Variants in DIPK1C observed in about 807,000 individuals in gnomAD.
DIPK1C encodes familial non-conventional Alzheimer's dementia.
DIPK1C carries 33 observed loss-of-function variants against 28.0 expected under a neutral mutation model. The ratio of observed to expected loss-of-function variants is 1.18; its 90% CI spans 0.89 to 1.58. The LOEUF is 1.58. DIPK1C is among the 40% of genes most tolerant of loss of function. The pLI, the probability that DIPK1C is intolerant of heterozygous loss-of-function variation, is 0.00. For missense variants in DIPK1C, 569 were observed against 568.5 expected, an observed-to-expected ratio of 1.00 and a Z score of -0.01; for synonymous variants, 255 against 248.8, an observed-to-expected ratio of 1.02 and a Z score of -0.23.
intron 3 of DIPK1C, 135 bp downstream of exon 3, chr18:74,441,817 T>G: frequency 9.7e-7 from 1 of 1,028,848 alleles, no homozygotes; most frequent in Non-Finnish European, 1.4e-6. Flanking sequence ...CGTCCTGCCT[T>G]TATTGACCAC....
Position 74,457,235 on chromosome 18 carries a change from C to G in DIPK1C, c.25G>C (p.Gly9Arg). The G allele has an allele frequency of 9.7e-7, 1 of 1,029,916 alleles. No homozygotes were observed. The highest frequency in any genetic ancestry group is 4.4e-5 in the South Asian group (1 of 22,608). 63.8% of individuals were successfully genotyped at this position (1,029,916 alleles called of 1,614,324 possible). A position where few individuals can be genotyped will look rare whatever the true frequency, so the allele number is the denominator to read the frequency against. Residue 9 changes from glycine (G) to arginine (R), a missense_variant, in exon 1 of 4, where the codon GGC becomes CGC. Gly to Arg is a moderately radical substitution (Grantham distance 125). Coordinates refer to ENST00000343998, the MANE Select transcript of DIPK1C (RefSeq NM_001044369.3). ...CGCCTCCTGCACCACCCGGCAGGGC[C>G]CCGCGCGCCCGCCGCCCGCGCCATG... Reference protein sequence around the residue: MARAAGARGPAGWCRRRGR... With the variant: MARAAGARRPAGWCRRRGR...
the DIPK1C span, among the ~76,000 whole-genome samples, chr18:74,464,627 C>T: frequency 6.6e-6 from 1 of 152,130 alleles, no homozygotes; most frequent in South Asian, 2.1e-4. Context: ...ATTGTAAATA[C>T]AAGGCAAACA....
At chr18:74,455,746 AAG>A (rs1476123262) in intron 1 of DIPK1C, among the ~76,000 whole-genome samples, 9 of 150,348 alleles carry the variant, frequency 6.0e-5, no homozygotes, top group African/African-American at 1.9e-4. Flanking sequence ...GAAAAAGAAA[AAG>A]AAAAAAAAAA....
chr18:74,443,958 T>C (rs1409153255), intron 2 of DIPK1C, among the ~76,000 whole-genome samples: 1 of 152,242 alleles, frequency 6.6e-6, no homozygotes, highest in East Asian at 1.9e-4. Flanking sequence ...GAGAGCCAGG[T>C]TTATTTTTTA....
In DIPK1C at chr18:74,436,301, A is replaced by G. The variant is rs1357312153; in HGVS notation, c.*200T>C. On this transcript the variant is annotated 3_prime_UTR_variant, in exon 4 of 4. Coordinates refer to ENST00000343998, the MANE Select transcript of DIPK1C (RefSeq NM_001044369.3). The stretch of plus-strand genomic sequence containing the variant: ...CCTCCTCCCTCATCTCATTTTACAC[A>G]AGGCGACAGGTCAGAGGCCAGGGTG... 6.8e-6 allele frequency: 4 copies of G among 587,510 alleles called. No homozygotes were observed. The highest frequency in any genetic ancestry group is 1.9e-5 in the African/African-American group (1 of 53,548). 36.4% of individuals were successfully genotyped at this position (587,510 alleles called of 1,614,324 possible).
upstream of DIPK1C, among the ~76,000 whole-genome samples, chr18:74,460,002 C>T (rs901724093): frequency 2.0e-5 from 3 of 152,148 alleles, no homozygotes; most frequent in East Asian, 3.9e-4. Context: ...CAGCCAAGCA[C>T]GCAGGCTTCT....
chr18:74,448,072 C>A (rs1433565810), intron 1 of DIPK1C, among the ~76,000 whole-genome samples: 1 of 152,132 alleles, frequency 6.6e-6, no homozygotes. Context: ...GGGGACCTGG[C>A]GACCTTCCCC....
Position 74,446,911 on chromosome 18 carries a change from G to C in DIPK1C, c.571C>G (p.Leu191Val). The C allele has an allele frequency of 6.6e-7, 1 of 1,510,166 alleles. No individual in the cohort carries two copies. The highest frequency in any genetic ancestry group is 1.3e-5 in the South Asian group (1 of 78,560). The allele number at this position is 1,510,166 out of a possible 1,614,324, so 93.5% of individuals were successfully genotyped here. A position where few individuals can be genotyped will look rare whatever the true frequency, so the allele number is the denominator to read the frequency against. The stretch of plus-strand genomic sequence containing the variant: ...AAGTAGACGTACTCCTCCTGCTGCA[G>C]CAGGGCCCACAGGCTGGCCAGCTGT... The part of the protein sequence containing the change: ...RGQLASLWAL[L>V]QQEEYVYFSL... The change falls in exon 2 of 4, where the codon CTG becomes GTG. Residue 191 changes from leucine to valine, a missense_variant. Transcript: ENST00000343998.
intron 1 of DIPK1C, among the ~76,000 whole-genome samples, chr18:74,452,593 A>T (rs1047211988): frequency 4.5e-5 from 6 of 132,296 alleles, no homozygotes; most frequent in African/African-American, 1.1e-4. Flanking sequence ...TACAAAAATT[A>T]AAAAAAAAAA....
At position 74,442,095 on chromosome 18, in the gene DIPK1C, T is replaced by G. The variant is rs1486021870; in HGVS notation, c.898A>C (p.Met300Leu). The change falls in exon 3 of 4, where the codon ATG (methionine) becomes CTG (leucine). Residue 300 changes from methionine to leucine, a missense_variant. By Grantham distance (15) the Met-to-Leu change is conservative. Transcript: ENST00000343998. Reference sequence around the variant, plus strand: ...CTCATTTTAGGTTCAAAAAAGGCCATGTCCACATCAATAGCCACCACCTGT... The same window carrying G: ...CTCATTTTAGGTTCAAAAAAGGCCAGGTCCACATCAATAGCCACCACCTGT... ...DFTVVAIDVD[M>L]AFFEPKMREI... The G allele has an allele frequency of 6.2e-7, 1 of 1,614,152 alleles. No individual in the cohort carries two copies.
chr18:74,463,660 G>T, the DIPK1C span, among the ~76,000 whole-genome samples: 1 of 152,174 alleles, frequency 6.6e-6, no homozygotes, highest in South Asian at 2.1e-4. Flanking sequence ...TCAGGCGAAA[G>T]CACAACGCAG....
At chr18:74,450,122 G>C (rs986570068) in intron 1 of DIPK1C, among the ~76,000 whole-genome samples, 1 of 151,930 alleles carries the variant, frequency 6.6e-6, no homozygotes, top group Non-Finnish European at 1.5e-5. Flanking sequence ...GAACAGTAAG[G>C]GCTGTTCATT....
Position 74,447,266 on chromosome 18 carries a change from G to A in DIPK1C, c.216C>T (p.Gly72=), listed in dbSNP as rs542391883. 2.3e-5 allele frequency: 36 copies of A among 1,536,912 alleles called. No homozygotes were observed. The highest frequency in any genetic ancestry group is 1.5e-4 in the East Asian group (6 of 40,726). Reference sequence around the variant, plus strand: ...CGCAGAGGTCCCCGGCCAGCGTGCCGCCCTGGTAGTCCTGGCACTGGAAGG... The same window carrying A: ...CGCAGAGGTCCCCGGCCAGCGTGCCACCCTGGTAGTCCTGGCACTGGAAGG... ...ILAALCQDYQ[G]GTLAGDLCED... The change falls in exon 2 of 4, where the codon GGC becomes GGT. Residue 72 remains glycine (G), a synonymous_variant. Transcript: ENST00000343998. The surrounding 1 kb of genome is among the most constrained non-coding windows in gnomAD (Gnocchi z 4.1).
chr18:74,448,488 G>A (rs2144523854), intron 1 of DIPK1C, among the ~76,000 whole-genome samples: 1 of 152,264 alleles, frequency 6.6e-6, no homozygotes, highest in East Asian at 1.9e-4. Context: ...ACAAAGGATG[G>A]GGCCAAGGGC....
intron 3 of DIPK1C, among the ~76,000 whole-genome samples, chr18:74,438,287 T>C (rs1986043381): frequency 6.6e-6 from 1 of 152,374 alleles, no homozygotes; most frequent in South Asian, 2.1e-4. Flanking sequence ...ACCAGTTCCC[T>C]ATTGATGGAC....
At chr18:74,450,500 CTCAGGAGAAAAATG>C (rs909462309) in intron 1 of DIPK1C, among the ~76,000 whole-genome samples, 28 of 152,258 alleles carry the variant, frequency 1.8e-4, no homozygotes, top group African/African-American at 6.5e-4. Flanking sequence ...AGAGAGGAGG[CTCAGGAGAAAAATG>C]TCAGAGACAC....
At chr18:74,439,418 T>A (rs1448656704) in intron 3 of DIPK1C, among the ~76,000 whole-genome samples, 1 of 152,222 alleles carries the variant, frequency 6.6e-6, no homozygotes, top group Non-Finnish European at 1.5e-5. Context: ...CAGGGCTAAA[T>A]ACCCGTATTT....
At chr18:74,451,228 A>G (rs1191803688) in intron 1 of DIPK1C, among the ~76,000 whole-genome samples, 1 of 152,202 alleles carries the variant, frequency 6.6e-6, no homozygotes, top group Non-Finnish European at 1.5e-5. Context: ...AGAACCAGAA[A>G]CAGCCCCTGG....
upstream of DIPK1C, among the ~76,000 whole-genome samples, chr18:74,459,248 A>G (rs915431002): frequency 6.6e-6 from 1 of 152,232 alleles, no homozygotes; most frequent in Admixed American, 6.5e-5. Context: ...AGGAACAGAA[A>G]TTACAGGGGG....
Sources: allele counts gnomAD v4.1 joint callset (sites outside exome capture counted in the v4.1 genomes callset), GRCh38; gene constraint gnomAD v4.1.1; non-coding constraint Gnocchi (gnomAD v3.1); transcripts MANE v1.5; gene names NCBI Gene and HGNC (gene_info 2026-07-23, HGNC 2026-07-21).